The following TENM2 variants were observed in gnomAD, a reference collection of about 807,000 sequenced individuals.
The protein encoded by TENM2 is teneurin-2.
Under a neutral mutation model 245.2 loss-of-function variants are expected in TENM2, and 52 were observed. The observed-to-expected ratio is 0.21, with a 90% CI of 0.17 to 0.27. TENM2 has a LOEUF of 0.27. Ranked by LOEUF, TENM2 falls within the 10% of genes least tolerant of loss-of-function variation. TENM2 has a pLI of 1.00. For synonymous variants in TENM2, 1,363 were observed against 1,438.9 expected, an observed-to-expected ratio of 0.95 and a Z score of 1.19; for missense variants, 3,046 against 3,666.8, an observed-to-expected ratio of 0.83 and a Z score of 4.37.
chr5:167,441,812 T>C (rs546786171), intron 2 of TENM2, among the ~76,000 whole-genome samples: 1 of 152,320 alleles, frequency 6.6e-6, no homozygotes, highest in East Asian at 1.9e-4. Context: ...TCTCTTGCGA[T>C]GATGGGTAAG....
At chr5:167,656,906 C>A (rs1440921734) in intron 2 of TENM2, among the ~76,000 whole-genome samples, 1 of 150,702 alleles carries the variant, frequency 6.6e-6, no homozygotes, top group African/African-American at 2.4e-5. Flanking sequence ...GTGATCAAAT[C>A]AGAGCAATTC....
rs558531847 is a variant in TENM2, at chr5:167,285,079, C to A, written c.226+16C>A. The A allele has an allele frequency of 6.5e-7, 1 of 1,535,140 alleles. No individual in the cohort carries two copies. On this transcript the variant is annotated intron_variant, in intron 1 of 28. Transcript: ENST00000518659. Reference sequence around the variant, plus strand: ...CCTAGACAAGGTTTGTAGGGTTTCCCCTGCTGATTTGCTCTCAACTGTCTA... The same window carrying A: ...CCTAGACAAGGTTTGTAGGGTTTCCACTGCTGATTTGCTCTCAACTGTCTA...
the TENM2 span, among the ~76,000 whole-genome samples, chr5:167,104,717 T>C: frequency 6.6e-6 from 1 of 152,180 alleles, no homozygotes; most frequent in African/African-American, 2.4e-5. Flanking sequence ...ATTTACATTG[T>C]AGTGGAAGAA....
intron 2 of TENM2, among the ~76,000 whole-genome samples, chr5:167,697,716 G>T (rs538360863): frequency 4.9e-4 from 74 of 152,150 alleles, no homozygotes; most frequent in Non-Finnish European, 7.6e-4. Flanking sequence ...GTAGAGACAG[G>T]GTTTCACCAT....
intron 16 of TENM2, among the ~76,000 whole-genome samples, chr5:168,199,450 A>G (rs1761746019): frequency 6.6e-6 from 1 of 152,214 alleles, no homozygotes; most frequent in African/African-American, 2.4e-5. Flanking sequence ...CATCGGTGTT[A>G]CGACAGAGGG....
the TENM2 span, among the ~76,000 whole-genome samples, chr5:167,084,463 T>A: frequency 1.4e-5 from 2 of 148,014 alleles, no homozygotes; most frequent in Non-Finnish European, 3.0e-5. Context: ...ATAACAACAA[T>A]AATAATACAT....
chr5:167,801,905 G>C (rs62382852), intron 2 of TENM2, among the ~76,000 whole-genome samples: 1 of 149,264 alleles, frequency 6.7e-6, no homozygotes, highest in Non-Finnish European at 1.5e-5. Context: ...CACACACACA[G>C]ACACACACAC....
chr5:168,098,972 C>T (rs1291078894), intron 9 of TENM2, among the ~76,000 whole-genome samples: 2 of 152,068 alleles, frequency 1.3e-5, no homozygotes, highest in Non-Finnish European at 2.9e-5. Flanking sequence ...TGCAGCGGCA[C>T]GATCTTGGCT....
intron 2 of TENM2, among the ~76,000 whole-genome samples, chr5:167,392,581 T>C (rs1761821332): frequency 6.6e-6 from 1 of 152,122 alleles, no homozygotes; most frequent in Admixed American, 6.6e-5. Context: ...TCTCAGGCCT[T>C]GAAACTACAC....
rs1768291477 is a variant in TENM2 at position 168,262,468 on chromosome 5, G to A, written c.7983G>A (p.Arg2661=). 5 of 1,564,038 alleles carry A rather than the reference G, an allele frequency of 3.2e-6. No individual in the cohort carries two copies. In the African/African-American group the frequency reaches 5.4e-5, roughly 17 times the overall value. ...AGCCCACGCTGCTGGTCAACGGCAG[G>A]ACTCGAAGGTTCACGAACATTGAGT... Residue 2661 remains arginine, a synonymous_variant, in exon 29 of 29, where the codon AGG becomes AGA. Coordinates refer to ENST00000518659, the Ensembl canonical transcript of TENM2.
At chr5:167,432,642 C>A (rs1764318955) in intron 2 of TENM2, among the ~76,000 whole-genome samples, 1 of 150,182 alleles carries the variant, frequency 6.7e-6, no homozygotes, top group Non-Finnish European at 1.5e-5. Flanking sequence ...TACTTCTCTG[C>A]TGGAGTTGAT....
At chr5:167,199,696 T>G in the TENM2 span, among the ~76,000 whole-genome samples, 1 of 152,086 alleles carries the variant, frequency 6.6e-6, no homozygotes, top group Non-Finnish European at 1.5e-5. Flanking sequence ...AATAAGCTCA[T>G]CGGGAGGTAG....
At chr5:168,065,741 G>A (rs1301313493) in intron 7 of TENM2, among the ~76,000 whole-genome samples, 1 of 150,446 alleles carries the variant, frequency 6.6e-6, no homozygotes, top group African/African-American at 2.4e-5. Flanking sequence ...ACTCCTAATA[G>A]AAAGCAGTCC....
At chr5:168,067,368 T>G (rs1790599650) in intron 7 of TENM2, among the ~76,000 whole-genome samples, 1 of 152,122 alleles carries the variant, frequency 6.6e-6, no homozygotes, top group African/African-American at 2.4e-5. Flanking sequence ...GAGGAACAGT[T>G]TAAGAGACCA....
chr5:167,168,608 G>A, the TENM2 span, among the ~76,000 whole-genome samples: 13 of 152,134 alleles, frequency 8.5e-5, no homozygotes, highest in African/African-American at 1.9e-4. Flanking sequence ...GGCTTTGTGC[G>A]TTGTTTTCCC....
At chr5:167,415,282 A>AG (rs397744795) in intron 2 of TENM2, among the ~76,000 whole-genome samples, 2 of 150,442 alleles carry the variant, frequency 1.3e-5, no homozygotes, top group African/African-American at 4.9e-5. Flanking sequence ...ATGAAAAAAA[A>AG]CTACTACAGC....
intron 2 of TENM2, among the ~76,000 whole-genome samples, chr5:167,555,261 C>T (rs1773196562): frequency 6.6e-6 from 1 of 152,134 alleles, no homozygotes; most frequent in African/African-American, 2.4e-5. Flanking sequence ...AGCAGTTTGG[C>T]CTTAAAAATA....
At chr5:168,055,790 C>T (rs929519578) in intron 6 of TENM2, among the ~76,000 whole-genome samples, 2 of 152,108 alleles carry the variant, frequency 1.3e-5, no homozygotes, top group African/African-American at 4.8e-5. Context: ...AGAAGCACCC[C>T]AAAATACAGA....
At chr5:167,346,441 T>C (rs1758462335) in intron 1 of TENM2, among the ~76,000 whole-genome samples, 1 of 152,250 alleles carries the variant, frequency 6.6e-6, no homozygotes, top group South Asian at 2.1e-4. Flanking sequence ...GATTTATCCA[T>C]GAAATCTGTT....
Sources: gnomAD v4.1 joint callset for allele counts (sites outside exome capture counted in the v4.1 genomes callset) on GRCh38, gnomAD v4.1.1 for gene constraint, MANE v1.5 for transcripts, NCBI Gene and HGNC (gene_info 2026-07-23, HGNC 2026-07-21) for gene names.